Variants in NOL4 observed in about 807,000 individuals in gnomAD.
NOL4 encodes cancer/testis antigen 125.
In NOL4, 17 loss-of-function variants were observed where a neutral mutation model predicts 75.9. The observed-to-expected ratio is 0.22, with a 90% CI of 0.15 to 0.34. The LOEUF is 0.34. Among genes scored for constraint, NOL4 ranks in the 10% least tolerant of loss-of-function variants. The probability of loss-of-function intolerance (pLI) is 1.00; values close to 1 mark genes in which losing one functional copy is unlikely to be tolerated. For synonymous variants in NOL4, 292 were observed against 289.9 expected (o/e 1.01, Z -0.07); for missense variants, 614 against 793.5 (o/e 0.77, Z 2.72).
At chr18:34,138,357 G>T (rs2080988949) in intron 1 of NOL4, among the ~76,000 whole-genome samples, 1 of 152,112 alleles carries the variant, frequency 6.6e-6, no homozygotes, top group Non-Finnish European at 1.5e-5. Flanking sequence ...AGTCGTGATT[G>T]TGTCCCTGCA....
chr18:34,024,682 C>T (rs2075257246), intron 5 of NOL4, among the ~76,000 whole-genome samples: 1 of 152,044 alleles, frequency 6.6e-6, no homozygotes, highest in Admixed American at 6.6e-5. Context: ...TGAATGAATC[C>T]TTGGTAGCAC....
intron 8 of NOL4, among the ~76,000 whole-genome samples, chr18:33,947,357 T>C (rs987608289): frequency 6.6e-6 from 1 of 151,704 alleles, no homozygotes; most frequent in Non-Finnish European, 1.5e-5. Context: ...TTAGGGAATA[T>C]GGTCATAGAT....
chr18:34,066,797 A>G (rs896042324), intron 5 of NOL4, among the ~76,000 whole-genome samples: 1 of 151,896 alleles, frequency 6.6e-6, no homozygotes, highest in Non-Finnish European at 1.5e-5. Context: ...ATCTCTAACA[A>G]TAATTCCAAA....
intron 6 of NOL4, among the ~76,000 whole-genome samples, chr18:34,011,529 A>T (rs569484893): frequency 5.1e-4 from 78 of 151,856 alleles, no homozygotes; most frequent in African/African-American, 1.8e-3. Context: ...GAGATTCTCC[A>T]CTATTCTCAA....
intron 10 of NOL4, among the ~76,000 whole-genome samples, chr18:33,875,763 T>C (rs1345861295): frequency 1.3e-5 from 2 of 152,054 alleles, no homozygotes; most frequent in Admixed American, 1.3e-4. Context: ...TATTCACTTA[T>C]TAAGCAAATA....
At chr18:34,078,025 C>CTTT (rs2077826378) in intron 5 of NOL4, among the ~76,000 whole-genome samples, 1 of 152,120 alleles carries the variant, frequency 6.6e-6, no homozygotes, top group Non-Finnish European at 1.5e-5. Flanking sequence ...TAGAAATTCA[C>CTTT]TTTTCTCATC....
At chr18:33,914,506 G>T (rs2066597661) in intron 9 of NOL4, among the ~76,000 whole-genome samples, 1 of 152,022 alleles carries the variant, frequency 6.6e-6, no homozygotes, top group Non-Finnish European at 1.5e-5. Context: ...TTTTTAACAA[G>T]ATTACTCTGG....
chr18:34,148,181 T>C, intron 1 of NOL4, among the ~76,000 whole-genome samples: 1 of 152,126 alleles, frequency 6.6e-6, no homozygotes, highest in East Asian at 1.9e-4. Flanking sequence ...GATTCATTTA[T>C]TTTTTGAAGG....
At chr18:33,991,432 A>G (rs1450812649) in intron 6 of NOL4, among the ~76,000 whole-genome samples, 3 of 152,040 alleles carry the variant, frequency 2.0e-5, no homozygotes, top group Non-Finnish European at 4.4e-5. Flanking sequence ...TTTAACATCT[A>G]CTCTGTTGAC....
intron 4 of NOL4, among the ~76,000 whole-genome samples, chr18:34,096,705 A>G (rs1199072676): frequency 6.6e-6 from 1 of 152,170 alleles, no homozygotes; most frequent in Non-Finnish European, 1.5e-5. Context: ...AAATCTCATG[A>G]TAATGAAAGT....
At chr18:34,168,847 A>G (rs1304698104) in intron 1 of NOL4, among the ~76,000 whole-genome samples, 1 of 151,908 alleles carries the variant, frequency 6.6e-6, no homozygotes, top group Non-Finnish European at 1.5e-5. Context: ...AAATAATTTT[A>G]CAGTTAAAAG....
chr18:34,129,857 C>A lies in NOL4; in HGVS notation c.414+14G>T. On this transcript the variant is annotated intron_variant, in intron 2 of 10. Transcript: ENST00000261592. The stretch of plus-strand genomic sequence containing the variant: ...TCGAAATGCATGCTCTTTTTTTTTT[C>A]TTTTTTAACTTACTGCTTTGTAAGT... The A allele has an allele frequency of 1.4e-6, 2 of 1,460,884 alleles. No homozygotes were observed. The highest frequency in any genetic ancestry group is 1.8e-6 in the Non-Finnish European group (2 of 1,106,220). The allele number at this position is 1,460,884 out of a possible 1,614,324, so 90.5% of individuals were successfully genotyped here.
At chr18:33,971,987 G>A (rs2071099446) in intron 6 of NOL4, among the ~76,000 whole-genome samples, 2 of 151,944 alleles carry the variant, frequency 1.3e-5, no homozygotes, top group African/African-American at 4.8e-5. Context: ...CCAACATGGT[G>A]AAGCCCCATC....
chr18:34,175,366 C>T (rs2033447665), intron 1 of NOL4, among the ~76,000 whole-genome samples: 1 of 152,136 alleles, frequency 6.6e-6, no homozygotes, highest in African/African-American at 2.4e-5. Flanking sequence ...TTTATCTTTG[C>T]AGCTGCCTAA....
chr18:33,920,255 G>A (rs2066953311), intron 9 of NOL4, among the ~76,000 whole-genome samples: 2 of 151,938 alleles, frequency 1.3e-5, no homozygotes, highest in South Asian at 4.1e-4. Flanking sequence ...TAAAATTTGT[G>A]CAACTTAAAA....
chr18:34,058,190 A>T (rs989782285), intron 5 of NOL4, among the ~76,000 whole-genome samples: 2 of 151,932 alleles, frequency 1.3e-5, no homozygotes, highest in African/African-American at 4.8e-5. Flanking sequence ...CTGGAGTGCA[A>T]TGGCACGATC....
At chr18:34,132,801 G>C (rs2080716429) in intron 1 of NOL4, among the ~76,000 whole-genome samples, 1 of 147,810 alleles carries the variant, frequency 6.8e-6, no homozygotes, top group African/African-American at 2.5e-5. Flanking sequence ...AAAGACAAAA[G>C]TCTTGAAAGC....
intron 2 of NOL4, among the ~76,000 whole-genome samples, chr18:34,124,947 G>A (rs1436722065): frequency 6.6e-6 from 1 of 151,492 alleles, no homozygotes; most frequent in African/African-American, 2.4e-5. Flanking sequence ...CTAACTGGGA[G>A]GTCAATAGAT....
intron 5 of NOL4, among the ~76,000 whole-genome samples, chr18:34,051,841 C>T (rs1330569330): frequency 1.3e-5 from 2 of 151,890 alleles, no homozygotes; most frequent in South Asian, 2.1e-4. Flanking sequence ...AGTATTAGTG[C>T]TTCAGAGGAA....
Sources: allele counts gnomAD v4.1 joint callset (sites outside exome capture counted in the v4.1 genomes callset), GRCh38; gene constraint gnomAD v4.1.1; transcripts MANE v1.5; gene names NCBI Gene and HGNC (gene_info 2026-07-23, HGNC 2026-07-21).